The following LRP1B variants were observed in gnomAD, a reference collection of about 807,000 sequenced individuals.
LRP1B encodes the protein low-density lipoprotein receptor-related protein 1B.
A neutral mutation model predicts 556.6 loss-of-function variants in LRP1B; 217 were observed. The observed-to-expected ratio is 0.39, with a 90% CI of 0.35 to 0.44. LRP1B has a LOEUF of 0.44. LRP1B is among the 20% of genes least tolerant of loss of function. LRP1B has a pLI of 1.00. For synonymous variants in LRP1B, 2,047 were observed against 1,865.8 expected (o/e 1.10, Z -2.50); for missense variants, 5,053 against 5,620.8 (o/e 0.90, Z 3.23).
chr2:141,853,484 A>AT (rs975446842), intron 1 of LRP1B, among the ~76,000 whole-genome samples: 2 of 151,336 alleles, frequency 1.3e-5, no homozygotes, highest in African/African-American at 4.8e-5. Context: ...GAGAAGTTTT[A>AT]TTTTTTTGCT....
At chr2:141,322,985 A>G (rs1422995045) in intron 3 of LRP1B, among the ~76,000 whole-genome samples, 1 of 152,120 alleles carries the variant, frequency 6.6e-6, no homozygotes, top group East Asian at 1.9e-4. Flanking sequence ...TGCAAAATGA[A>G]GACAACAATA....
At chr2:141,141,132 A>T (rs901819669) in intron 7 of LRP1B, among the ~76,000 whole-genome samples, 1 of 152,130 alleles carries the variant, frequency 6.6e-6, no homozygotes, top group African/African-American at 2.4e-5. Flanking sequence ...CGTCTGAAAC[A>T]TTTTGTTATT....
At chr2:140,585,975 A>C (rs1681968433) in intron 43 of LRP1B, among the ~76,000 whole-genome samples, 1 of 152,210 alleles carries the variant, frequency 6.6e-6, no homozygotes, top group African/African-American at 2.4e-5. Flanking sequence ...CTTGTTTTAC[A>C]GACTTATAGA....
At chr2:140,671,036 T>A (rs1685460791) in intron 41 of LRP1B, among the ~76,000 whole-genome samples, 1 of 152,192 alleles carries the variant, frequency 6.6e-6, no homozygotes, top group African/African-American at 2.4e-5. Context: ...GCAAACATTT[T>A]AAATATATCT....
At chr2:140,817,359 A>T (rs1429357) in intron 31 of LRP1B, among the ~76,000 whole-genome samples, 128,839 of 151,678 alleles carry the variant, frequency 0.85, 55,239 homozygotes, top group East Asian at 0.99. Context: ...AGAAAAAAAT[A>T]TATGAAAAGA....
chr2:141,749,445 G>T (rs1336906667), intron 2 of LRP1B, among the ~76,000 whole-genome samples: 1 of 152,128 alleles, frequency 6.6e-6, no homozygotes, highest in African/African-American at 2.4e-5. Context: ...ACCCAGGAAA[G>T]AAATGGCACT....
chr2:141,948,209 G>T (rs186698382), intron 1 of LRP1B, among the ~76,000 whole-genome samples: 1 of 152,082 alleles, frequency 6.6e-6, no homozygotes, highest in East Asian at 1.9e-4. Flanking sequence ...TGGAACATGA[G>T]AATTCCTTGA....
At chr2:140,973,053 TA>T (rs1474301130) in intron 18 of LRP1B, among the ~76,000 whole-genome samples, 213 of 1,356 alleles carry the variant, frequency 0.16, 1 homozygote, top group East Asian at 0.41. Flanking sequence ...TATTTCATTT[TA>T]TATATATATA....
At chr2:141,161,887 TATG>T (rs1680049840) in intron 7 of LRP1B, among the ~76,000 whole-genome samples, 1 of 152,110 alleles carries the variant, frequency 6.6e-6, no homozygotes, top group Non-Finnish European at 1.5e-5. Flanking sequence ...GATTTGCATA[TATG>T]ATAAGTTCTT....
chr2:141,480,591 G>A lies in LRP1B; in HGVS notation c.206-58C>T, dbSNP rs1682881307. ...GTTAGCTTTTCTAAATGGTAAAACT[G>A]TTAAGCACAAGAAATTACTAGCATT... On this transcript the variant is annotated intron_variant, in intron 2 of 90. Transcript: ENST00000389484. 4 of 1,538,354 alleles carry A rather than the reference G, an allele frequency of 2.6e-6. 1 individual carries two copies. The highest frequency in any genetic ancestry group is 3.6e-6 in the Non-Finnish European group (4 of 1,111,528).
intron 2 of LRP1B, among the ~76,000 whole-genome samples, chr2:141,805,092 C>T (rs1484692581): frequency 1.3e-5 from 2 of 152,070 alleles, no homozygotes; most frequent in African/African-American, 4.8e-5. Context: ...TGCCCCATGC[C>T]CCATATAACC....
chr2:140,743,016 T>A lies in LRP1B; in HGVS notation c.5758+26197A>T, dbSNP rs115510734. Among the ~76,000 whole-genome samples, 1,033 of 152,258 alleles carry A rather than the reference T, an allele frequency of 6.8e-3. 13 individuals are homozygous for A. The highest frequency in any genetic ancestry group is 0.024 in the Middle Eastern group (7 of 294). On this transcript the variant is annotated intron_variant, in intron 35 of 90. Transcript: ENST00000389484. ...ACTAATTAAAAATAAGACAAAGATT[T>A]TTTTTTATTAGTGAACATTTCTATT...
intron 1 of LRP1B, among the ~76,000 whole-genome samples, chr2:141,840,563 G>A (rs1228931796): frequency 6.6e-6 from 1 of 152,020 alleles, no homozygotes; most frequent in Non-Finnish European, 1.5e-5. Context: ...GGCATTATTA[G>A]AACAAATTTC....
chr2:140,357,839 T>C, intron 74 of LRP1B, 140 bp downstream of exon 74: 1 of 967,192 alleles, frequency 1.0e-6, no homozygotes, highest in East Asian at 2.5e-5. Flanking sequence ...CTAATGTTGC[T>C]TTGGCAAAGG....
intron 2 of LRP1B, among the ~76,000 whole-genome samples, chr2:141,648,188 A>T (rs1278859900): frequency 2.0e-5 from 3 of 152,200 alleles, no homozygotes; most frequent in Admixed American, 1.3e-4. Flanking sequence ...TAGTACAAAG[A>T]GGCTGGACCT....
chr2:140,525,815 G>C (rs748798517), intron 49 of LRP1B, 29 bp downstream of exon 49: 8 of 1,603,980 alleles, frequency 5.0e-6, no homozygotes, highest in Non-Finnish European at 6.8e-6. Flanking sequence ...CCAAGGCAAA[G>C]CCTGTGTTTT....
intron 18 of LRP1B, among the ~76,000 whole-genome samples, chr2:140,980,299 G>A (rs983721326): frequency 1.3e-5 from 2 of 152,036 alleles, no homozygotes; most frequent in African/African-American, 4.8e-5. Flanking sequence ...GCTCACTGTG[G>A]AAAGGAATCA....
intron 6 of LRP1B, among the ~76,000 whole-genome samples, chr2:141,226,981 C>G (rs1558945991): frequency 6.6e-6 from 1 of 152,118 alleles, no homozygotes; most frequent in Non-Finnish European, 1.5e-5. Flanking sequence ...TTCCAGTGAA[C>G]TTATTTTTTA....
At chr2:141,463,256 G>A (rs556865124) in intron 3 of LRP1B, among the ~76,000 whole-genome samples, 69 of 152,120 alleles carry the variant, frequency 4.5e-4, no homozygotes, top group Non-Finnish European at 7.6e-4. Flanking sequence ...TCAAAAGAAT[G>A]ATTATATATT....
Sources: gnomAD v4.1 joint callset for allele counts (sites outside exome capture counted in the v4.1 genomes callset) on GRCh38, gnomAD v4.1.1 for gene constraint, MANE v1.5 for transcripts, NCBI Gene and HGNC (gene_info 2026-07-23, HGNC 2026-07-21) for gene names.